Variants in RBFOX1 observed in about 807,000 individuals in gnomAD.
RBFOX1 encodes RNA binding fox-1 homolog 1.
A neutral mutation model predicts 57.7 loss-of-function variants in RBFOX1; 8 were observed. That is an observed-to-expected ratio of 0.14 (90% CI 0.08 to 0.25). The LOEUF is 0.25. Ranked by LOEUF, RBFOX1 falls within the 10% of genes least tolerant of loss-of-function variation. The pLI is 1.00. For missense variants in RBFOX1, 611 were observed against 548.5 expected (o/e 1.11, Z -1.14); for synonymous variants, 326 against 222.4 (o/e 1.47, Z -4.15).
At chr16:6,672,911 C>A (rs1603313600) in intron 3 of RBFOX1, among the ~76,000 whole-genome samples, 1 of 152,234 alleles carries the variant, frequency 6.6e-6, no homozygotes, top group East Asian at 1.9e-4. Flanking sequence ...ACTGAATCCC[C>A]CTAGACCCCA....
intron 4 of RBFOX1, among the ~76,000 whole-genome samples, chr16:7,316,617 A>T (rs933481489): frequency 6.6e-6 from 1 of 152,204 alleles, no homozygotes; most frequent in Non-Finnish European, 1.5e-5. Flanking sequence ...GCAAGTGATC[A>T]TCACATAACT....
At chr16:6,341,701 C>T (rs2152828024) in intron 2 of RBFOX1, among the ~76,000 whole-genome samples, 1 of 151,846 alleles carries the variant, frequency 6.6e-6, no homozygotes. Flanking sequence ...TGGCTGGTTT[C>T]CTCCTCTTAC....
At chr16:6,829,044 A>G (rs549252897) in intron 3 of RBFOX1, among the ~76,000 whole-genome samples, 2 of 152,126 alleles carry the variant, frequency 1.3e-5, no homozygotes, top group Non-Finnish European at 2.9e-5. Flanking sequence ...GACGGTGTCA[A>G]GAGCCTGGAC....
intron 5 of RBFOX1, among the ~76,000 whole-genome samples, chr16:7,572,175 TA>T (rs2092848386): frequency 6.6e-6 from 1 of 152,164 alleles, no homozygotes. Context: ...TCACGATAAT[TA>T]TGTCCCCTCT....
At chr16:7,243,431 C>T (rs1052537427) in intron 4 of RBFOX1, among the ~76,000 whole-genome samples, 1 of 152,066 alleles carries the variant, frequency 6.6e-6, no homozygotes, top group African/African-American at 2.4e-5. Context: ...GGCATATTAC[C>T]TTTGGTTGAC....
chr16:7,505,617 T>G (rs1430746123), intron 4 of RBFOX1, among the ~76,000 whole-genome samples: 1 of 152,160 alleles, frequency 6.6e-6, no homozygotes, highest in African/African-American at 2.4e-5. Context: ...CTTCTGTAAC[T>G]CCAAATGGAA....
chr16:6,215,236 G>A (rs1192717598), intron 1 of RBFOX1, among the ~76,000 whole-genome samples: 5 of 126,332 alleles, frequency 4.0e-5, no homozygotes, highest in Non-Finnish European at 8.4e-5. Flanking sequence ...AAGAGGGGAA[G>A]AAGGAGAGGG....
At chr16:7,473,689 A>G (rs371610349) in intron 4 of RBFOX1, among the ~76,000 whole-genome samples, 1 of 151,932 alleles carries the variant, frequency 6.6e-6, no homozygotes, top group African/African-American at 2.4e-5. Flanking sequence ...AAAGAGAGAG[A>G]ATGTGGTGGA....
chr16:5,365,956 A>G (rs1012028827), intron 1 of RBFOX1: 6 of 493,340 alleles, frequency 1.2e-5, no homozygotes, highest in Non-Finnish European at 2.4e-5. Flanking sequence ...GCTGGTGTGA[A>G]GGATGAATCG....
intron 3 of RBFOX1, among the ~76,000 whole-genome samples, chr16:5,769,726 T>A (rs1318044277): frequency 6.6e-6 from 1 of 151,534 alleles, no homozygotes; most frequent in Non-Finnish European, 1.5e-5. Flanking sequence ...AGAAGAGGAG[T>A]CATCTACAGT....
intron 3 of RBFOX1, among the ~76,000 whole-genome samples, chr16:6,879,858 T>A (rs1280508485): frequency 6.6e-6 from 1 of 152,240 alleles, no homozygotes; most frequent in African/African-American, 2.4e-5. Context: ...ACATTTTGAA[T>A]TATCTCATAA....
rs138980384 is a variant in RBFOX1 at position 5,967,937 on chromosome 16, G to A, written c.351+100602G>A. On this transcript the variant is annotated intron_variant, in intron 4 of 19. Coordinates refer to the RBFOX1 transcript ENST00000641259. ...TTCCTCTGTTTTTCGTAGTTGTGCT[G>A]TGTCTCCATTGTCAGATCATATATA... Among the ~76,000 whole-genome samples the A allele has an allele frequency of 6.6e-5, 10 of 152,192 alleles. No homozygotes were observed. The East Asian group carries it at 1.7e-3, about 26-fold the overall frequency.
chr16:5,299,072 C>G (rs887919416), intron 1 of RBFOX1, among the ~76,000 whole-genome samples: 3 of 149,142 alleles, frequency 2.0e-5, no homozygotes, highest in African/African-American at 7.4e-5. Flanking sequence ...TCTTTCATAG[C>G]CCTTTCACAC....
intron 1 of RBFOX1, among the ~76,000 whole-genome samples, chr16:5,268,808 G>A (rs1266134911): frequency 1.3e-5 from 2 of 152,206 alleles, no homozygotes. Flanking sequence ...GAATTGTTTG[G>A]GAAGTTGTTA....
At chr16:6,957,879 G>C (rs949188839) in intron 3 of RBFOX1, among the ~76,000 whole-genome samples, 7 of 152,160 alleles carry the variant, frequency 4.6e-5, no homozygotes, top group Admixed American at 3.3e-4. Context: ...AGATTAGTCA[G>C]AGCCCTTAAA....
chr16:5,499,267 A>T (rs2043106152), intron 2 of RBFOX1, among the ~76,000 whole-genome samples: 1 of 152,206 alleles, frequency 6.6e-6, no homozygotes, highest in African/African-American at 2.4e-5. Context: ...GGTAGAAAAT[A>T]CTAGAGGAAT....
At chr16:6,609,875 G>T (rs1207063127) in intron 2 of RBFOX1, among the ~76,000 whole-genome samples, 1 of 152,014 alleles carries the variant, frequency 6.6e-6, no homozygotes, top group Non-Finnish European at 1.5e-5. Flanking sequence ...GGGTGTGGTG[G>T]TGCGCACCTG....
At chr16:6,217,419 C>CATTTCA (rs1265034488) in intron 1 of RBFOX1, among the ~76,000 whole-genome samples, 1 of 151,970 alleles carries the variant, frequency 6.6e-6, no homozygotes, top group East Asian at 1.9e-4. Flanking sequence ...ATTGAGAAAA[C>CATTTCA]GTGATAATCA....
intron 1 of RBFOX1, among the ~76,000 whole-genome samples, chr16:6,070,519 G>T (rs2152483366): frequency 6.6e-6 from 1 of 152,300 alleles, no homozygotes; most frequent in East Asian, 1.9e-4. Flanking sequence ...CTGACAAGAA[G>T]TCACTCTTGT....
Sources: gnomAD v4.1 joint callset for allele counts (sites outside exome capture counted in the v4.1 genomes callset) on GRCh38, gnomAD v4.1.1 for gene constraint, MANE v1.5 for transcripts, NCBI Gene and HGNC (gene_info 2026-07-23, HGNC 2026-07-21) for gene names.